Variants in SH3GL2 observed in about 807,000 individuals in gnomAD.
The protein encoded by SH3GL2 is endophilin-A1.
In SH3GL2, 24 loss-of-function variants were observed where a neutral mutation model predicts 46.0. That is an observed-to-expected ratio of 0.52 (90% CI 0.38 to 0.73). The LOEUF (loss-of-function observed/expected upper bound fraction) is 0.73. SH3GL2 is among the 30% of genes least tolerant of loss of function. The pLI is 0.00. For synonymous variants in SH3GL2, 196 were observed against 147.1 expected (o/e 1.33, Z -2.40); for missense variants, 413 against 424.2 (o/e 0.97, Z 0.23).
chr9:17,718,520 T>G (rs1248920995), intron 1 of SH3GL2, among the ~76,000 whole-genome samples: 7 of 152,068 alleles, frequency 4.6e-5, no homozygotes, highest in Non-Finnish European at 1.0e-4. Flanking sequence ...CCCAGGAGTT[T>G]GAGATCAGCC....
intron 1 of SH3GL2, among the ~76,000 whole-genome samples, chr9:17,713,204 C>A (rs751059359): frequency 6.6e-6 from 1 of 151,292 alleles, no homozygotes; most frequent in African/African-American, 2.4e-5. Flanking sequence ...CTATATTCCT[C>A]GGATAAACTC....
chr9:17,594,887 C>G (rs1447255839), intron 1 of SH3GL2, among the ~76,000 whole-genome samples: 1 of 152,022 alleles, frequency 6.6e-6, no homozygotes, highest in African/African-American at 2.4e-5. Context: ...AAAAGGGGGT[C>G]CTATGCATAT....
chr9:17,770,616 C>T (rs1207832641), intron 3 of SH3GL2, among the ~76,000 whole-genome samples: 3 of 152,150 alleles, frequency 2.0e-5, no homozygotes, highest in South Asian at 2.1e-4. Flanking sequence ...ATGGCCAAAT[C>T]GATGGTGCAT....
intron 6 of SH3GL2, among the ~76,000 whole-genome samples, chr9:17,790,087 C>T (rs1824080317): frequency 6.6e-6 from 1 of 152,116 alleles, no homozygotes; most frequent in South Asian, 2.1e-4. Context: ...GTCCCAGAGT[C>T]CAAAGGCCAG....
chr9:17,777,488 A>G (rs954135587), intron 3 of SH3GL2, among the ~76,000 whole-genome samples: 1 of 152,182 alleles, frequency 6.6e-6, no homozygotes, highest in African/African-American at 2.4e-5. Context: ...GGAACCTCAG[A>G]ATTTGATCTA....
At chr9:17,703,964 TA>T (rs1020662926) in intron 1 of SH3GL2, among the ~76,000 whole-genome samples, 3 of 151,952 alleles carry the variant, frequency 2.0e-5, no homozygotes, top group African/African-American at 7.2e-5. Flanking sequence ...GCAAGAGGTA[TA>T]AAAAGCATTC....
chr9:17,758,497 G>C (rs1823068877), intron 2 of SH3GL2, among the ~76,000 whole-genome samples: 1 of 144,486 alleles, frequency 6.9e-6, no homozygotes, highest in Non-Finnish European at 1.5e-5. Context: ...GGGAGGAGGA[G>C]GTTGCGGTGA....
intron 1 of SH3GL2, among the ~76,000 whole-genome samples, chr9:17,656,124 A>C (rs143811590): frequency 6.6e-6 from 1 of 152,282 alleles, no homozygotes; most frequent in East Asian, 1.9e-4. Flanking sequence ...TACTTAGGCA[A>C]TACTCCAATT....
At chr9:17,739,237 G>A (rs1211821846) in intron 1 of SH3GL2, among the ~76,000 whole-genome samples, 1 of 152,030 alleles carries the variant, frequency 6.6e-6, no homozygotes, top group Non-Finnish European at 1.5e-5. Flanking sequence ...AGAGTCATCA[G>A]GCATTAGGTT....
At chr9:17,732,549 A>G (rs1476739583) in intron 1 of SH3GL2, among the ~76,000 whole-genome samples, 1 of 152,130 alleles carries the variant, frequency 6.6e-6, no homozygotes, top group Non-Finnish European at 1.5e-5. Flanking sequence ...AGGCATTCAT[A>G]TAAACAACGA....
chr9:17,743,013 T>C (rs918874237), intron 1 of SH3GL2, among the ~76,000 whole-genome samples: 2 of 152,200 alleles, frequency 1.3e-5, no homozygotes, highest in Non-Finnish European at 1.5e-5. Flanking sequence ...GAAGTGTCAA[T>C]TTTAGATATC....
intron 1 of SH3GL2, among the ~76,000 whole-genome samples, chr9:17,733,654 T>C (rs1822244548): frequency 1.3e-5 from 2 of 151,848 alleles, no homozygotes; most frequent in African/African-American, 4.8e-5. Flanking sequence ...CATGCTGTTA[T>C]AAAGACACAT....
At chr9:17,761,389 T>C (rs1353562189) in intron 2 of SH3GL2, 48 bp from the exon 3 acceptor site, 12 of 1,217,674 alleles carry the variant, frequency 9.9e-6, no homozygotes, top group East Asian at 2.3e-5. Flanking sequence ...ACCGGTATTC[T>C]AAAGCTCATC....
intron 1 of SH3GL2, among the ~76,000 whole-genome samples, chr9:17,660,941 C>G (rs999992878): frequency 1.3e-5 from 2 of 152,080 alleles, no homozygotes; most frequent in Admixed American, 6.6e-5. Context: ...GTGGGCGGAT[C>G]ACTTGAGGCC....
intron 1 of SH3GL2, among the ~76,000 whole-genome samples, chr9:17,640,600 G>A (rs1032514561): frequency 2.6e-5 from 4 of 152,172 alleles, no homozygotes; most frequent in African/African-American, 7.2e-5. Context: ...CTGTTGTGAA[G>A]ATGAACTGAG....
At chr9:17,628,558 A>G (rs1819344092) in intron 1 of SH3GL2, among the ~76,000 whole-genome samples, 1 of 152,148 alleles carries the variant, frequency 6.6e-6, no homozygotes, top group African/African-American at 2.4e-5. Flanking sequence ...TAAAGATCTT[A>G]AGGTAAGAGA....
intron 3 of SH3GL2, among the ~76,000 whole-genome samples, chr9:17,770,476 C>A (rs1476563301): frequency 6.6e-6 from 1 of 152,152 alleles, no homozygotes; most frequent in Non-Finnish European, 1.5e-5. Flanking sequence ...GTGACTTGTA[C>A]AGGTTCACAC....
chr9:17,582,085 A>T (rs756422386), intron 1 of SH3GL2, among the ~76,000 whole-genome samples: 8 of 152,174 alleles, frequency 5.3e-5, no homozygotes, highest in African/African-American at 1.9e-4. Flanking sequence ...ATAAAACAGT[A>T]TATTGTTTGT....
chr9:17,710,143 T>TAA (rs757340815), intron 1 of SH3GL2, among the ~76,000 whole-genome samples: 1 of 151,976 alleles, frequency 6.6e-6, no homozygotes, highest in Non-Finnish European at 1.5e-5. Context: ...GAATTGTAGT[T>TAA]ACCATTCAAT....
Sources: allele counts gnomAD v4.1 joint callset (sites outside exome capture counted in the v4.1 genomes callset), GRCh38; gene constraint gnomAD v4.1.1; transcripts MANE v1.5; gene names NCBI Gene and HGNC (gene_info 2026-07-23, HGNC 2026-07-21).